The following BMPR1B variants were observed in gnomAD, a reference collection of about 807,000 sequenced individuals.
The protein encoded by BMPR1B is bone morphogenetic protein receptor type-1B.
In BMPR1B, 12 loss-of-function variants were observed where a neutral mutation model predicts 59.1. The ratio of observed to expected loss-of-function variants is 0.20; its 90% CI spans 0.13 to 0.33. BMPR1B has a LOEUF of 0.33. Ranked by LOEUF, BMPR1B falls within the 10% of genes least tolerant of loss-of-function variation. The pLI, the probability that BMPR1B is intolerant of heterozygous loss-of-function variation, is 1.00. For missense variants in BMPR1B, 550 were observed against 610.9 expected (o/e 0.90, Z 1.05); for synonymous variants, 237 against 207.3 (o/e 1.14, Z -1.23).
intron 1 of BMPR1B, among the ~76,000 whole-genome samples, chr4:94,863,177 G>A (rs1009262318): frequency 7.2e-5 from 11 of 152,074 alleles, no homozygotes; most frequent in African/African-American, 9.7e-5. Flanking sequence ...AAGAGACACC[G>A]GGGCCTACTT....
intron 1 of BMPR1B, among the ~76,000 whole-genome samples, chr4:94,764,891 T>G (rs1057455382): frequency 1.3e-5 from 2 of 152,104 alleles, no homozygotes; most frequent in African/African-American, 4.8e-5. Context: ...TGCCACTATT[T>G]GGGAGGACTG....
At chr4:94,795,670 G>T (rs374255039) in intron 1 of BMPR1B, among the ~76,000 whole-genome samples, 1 of 152,130 alleles carries the variant, frequency 6.6e-6, no homozygotes, top group South Asian at 2.1e-4. Flanking sequence ...CACCATATTG[G>T]CCAGGCTGGT....
At chr4:94,763,089 A>G (rs1297957638) in intron 1 of BMPR1B, among the ~76,000 whole-genome samples, 3 of 152,144 alleles carry the variant, frequency 2.0e-5, no homozygotes, top group Non-Finnish European at 4.4e-5. Flanking sequence ...TCTTAGTGCT[A>G]GAGATGATTC....
At chr4:94,998,930 A>G (rs1722258480) in intron 3 of BMPR1B, among the ~76,000 whole-genome samples, 1 of 152,116 alleles carries the variant, frequency 6.6e-6, no homozygotes, top group South Asian at 2.1e-4. Flanking sequence ...AGTATTCAAC[A>G]TCTCCTATTT....
intron 10 of BMPR1B, among the ~76,000 whole-genome samples, chr4:95,137,396 G>A (rs1049580051): frequency 6.6e-6 from 1 of 152,212 alleles, no homozygotes; most frequent in African/African-American, 2.4e-5. Context: ...TTGATTTGGG[G>A]TGGAGAGTTC....
intron 1 of BMPR1B, among the ~76,000 whole-genome samples, chr4:94,818,148 TTACTTTTTTAA>T (rs1724076888): frequency 6.6e-6 from 1 of 152,246 alleles, no homozygotes; most frequent in Admixed American, 6.5e-5. Context: ...CTCTTTTTTA[TTACTTTTTTAA>T]AGGACTATTT....
chr4:95,024,207 C>T (rs777240062), intron 3 of BMPR1B, among the ~76,000 whole-genome samples: 1 of 152,172 alleles, frequency 6.6e-6, no homozygotes, highest in African/African-American at 2.4e-5. Flanking sequence ...GCACACTGCA[C>T]GTTCTTTGTA....
chr4:95,098,811 G>T (rs757836360), intron 3 of BMPR1B, among the ~76,000 whole-genome samples: 1 of 152,082 alleles, frequency 6.6e-6, no homozygotes, highest in Non-Finnish European at 1.5e-5. Context: ...CCACCTCCCA[G>T]GTTCACACCA....
At chr4:94,850,306 G>A (rs989183251) in intron 1 of BMPR1B, among the ~76,000 whole-genome samples, 1 of 151,942 alleles carries the variant, frequency 6.6e-6, no homozygotes, top group Non-Finnish European at 1.5e-5. Context: ...CATTGCAAAG[G>A]AAATTAATGA....
At chr4:95,145,951 T>C (rs111284598) in intron 10 of BMPR1B, among the ~76,000 whole-genome samples, 235 of 152,348 alleles carry the variant, frequency 1.5e-3, no homozygotes, top group African/African-American at 5.2e-3. Flanking sequence ...AAATTATCCA[T>C]AGCAAAGTTT....
chr4:94,926,063 C>A (rs1241878456), intron 2 of BMPR1B, among the ~76,000 whole-genome samples: 4 of 89,454 alleles, frequency 4.5e-5, no homozygotes, highest in African/African-American at 1.5e-4. Context: ...CCCTCCCCCC[C>A]AATCCCTCCC....
intron 2 of BMPR1B, among the ~76,000 whole-genome samples, chr4:94,913,674 A>G (rs1047184967): frequency 2.0e-5 from 3 of 151,424 alleles, no homozygotes; most frequent in Middle Eastern, 3.2e-3. Context: ...TGTAGCCTAC[A>G]ATGTTTCAGG....
chr4:95,105,222 C>T (rs570338914), intron 4 of BMPR1B, among the ~76,000 whole-genome samples: 34 of 152,202 alleles, frequency 2.2e-4, no homozygotes, highest in Admixed American at 1.5e-3. Flanking sequence ...TTACTCCTTA[C>T]GGTAAGGTCA....
rs117411296 is a variant in BMPR1B at position 94,967,314 on chromosome 4, C to A, written c.-112-28726C>A. 7.2e-3 allele frequency among the ~76,000 whole-genome samples: 1,094 copies of A among 152,200 alleles called. 17 individuals are homozygous for A. Among genetic ancestry groups the A allele is most frequent in the South Asian group, 0.037 (179 of 4,814 alleles). On this transcript the variant is annotated intron_variant, in intron 2 of 12. Transcript: ENST00000515059. ...TGAGAAGGCTGCATACAACCATAGC[C>A]GTTCAGAAAGTAGGGATTGTCACAA...
At chr4:94,805,904 G>C (rs1171965204) in intron 1 of BMPR1B, among the ~76,000 whole-genome samples, 1 of 152,100 alleles carries the variant, frequency 6.6e-6, no homozygotes, top group Non-Finnish European at 1.5e-5. Context: ...GAATAAATAT[G>C]GATCTAGAAA....
intron 10 of BMPR1B, among the ~76,000 whole-genome samples, chr4:95,134,567 G>C (rs973045989): frequency 4.6e-5 from 7 of 152,168 alleles, no homozygotes; most frequent in Admixed American, 6.5e-5. Flanking sequence ...ATTCTGACTG[G>C]TGTGAGATGG....
At chr4:95,136,379 G>A (rs1006184138) in intron 10 of BMPR1B, among the ~76,000 whole-genome samples, 2 of 151,998 alleles carry the variant, frequency 1.3e-5, no homozygotes, top group East Asian at 3.9e-4. Flanking sequence ...CTCTTTTTTT[G>A]TTGTGTCTCT....
chr4:94,925,928 A>G (rs533134982), intron 2 of BMPR1B, among the ~76,000 whole-genome samples: 2 of 151,990 alleles, frequency 1.3e-5, no homozygotes, highest in Non-Finnish European at 2.9e-5. Flanking sequence ...TTCACGCAGC[A>G]AAGATTACCT....
intron 2 of BMPR1B, among the ~76,000 whole-genome samples, chr4:94,943,225 C>G (rs1356377291): frequency 6.6e-6 from 1 of 151,678 alleles, no homozygotes; most frequent in Non-Finnish European, 1.5e-5. Context: ...ACCGCAACCT[C>G]TGCTCCCAGG....
Sources: gnomAD v4.1 joint callset for allele counts (sites outside exome capture counted in the v4.1 genomes callset) on GRCh38, gnomAD v4.1.1 for gene constraint, MANE v1.5 for transcripts, NCBI Gene and HGNC (gene_info 2026-07-23, HGNC 2026-07-21) for gene names.